Variants in ARPC4 observed in about 807,000 individuals in gnomAD.
ARPC4 encodes the protein actin-related protein 2/3 complex subunit 4.
A neutral mutation model predicts 22.8 loss-of-function variants in ARPC4; 3 were observed. The observed-to-expected ratio is 0.13, with a 90% CI of 0.06 to 0.34. The LOEUF (loss-of-function observed/expected upper bound fraction) is 0.34, where lower values mean the gene tolerates loss of function less well. ARPC4 is among the 10% of genes least tolerant of loss of function. The pLI is 1.00. For synonymous variants in ARPC4, 80 were observed against 72.5 expected (o/e 1.10, Z -0.52); for missense variants, 98 against 211.0 (o/e 0.46, Z 3.32).
chr3:9,792,789 C>T (rs1005201509), upstream of ARPC4: 8 of 1,261,148 alleles, frequency 6.3e-6, no homozygotes, highest in Non-Finnish European at 8.0e-6. Context: ...TAATTTGGTG[C>T]CCAATCTGAA....
At chr3:9,806,033 A>G (rs1169106593) in intron 5 of ARPC4, among the ~76,000 whole-genome samples, 177 bp from the exon 6 acceptor site, 1 of 152,218 alleles carries the variant, frequency 6.6e-6, no homozygotes, top group African/African-American at 2.4e-5. Context: ...CGGTGCCCAT[A>G]GGTCACTTCT....
At chr3:9,800,003 C>A in intron 2 of ARPC4, 182 bp from the exon 3 acceptor site, 2 of 702,158 alleles carry the variant, frequency 2.8e-6, no homozygotes, top group South Asian at 3.1e-5. Flanking sequence ...GCCCTGACTT[C>A]AGAGCCTGTG....
chr3:9,795,962 G>C (rs970128272), intron 1 of ARPC4, among the ~76,000 whole-genome samples: 3 of 152,160 alleles, frequency 2.0e-5, no homozygotes, highest in African/African-American at 7.2e-5. Context: ...CAGGCACGGT[G>C]GTGCACACTT....
upstream of ARPC4, chr3:9,792,765 G>T: frequency 8.0e-7 from 1 of 1,246,616 alleles, no homozygotes. Context: ...GGGCTCGTCC[G>T]CTTCGGCTTG....
At position 9,799,370 on chromosome 3, in the gene ARPC4, A is replaced by G. The variant is rs553238815; in HGVS notation, c.123-815A>G. Among the ~76,000 whole-genome samples, 12 of 152,208 alleles carry G rather than the reference A, an allele frequency of 7.9e-5. No individual in the cohort carries two copies. The South Asian group carries it at 2.1e-3, about 26-fold the overall frequency. Reference sequence around the variant, plus strand: ...TTTGCAGATACTTAACCAGTTGAGCATCCCTAATTCCAAATCCAAAATGCT... The same window carrying G: ...TTTGCAGATACTTAACCAGTTGAGCGTCCCTAATTCCAAATCCAAAATGCT... On this transcript the variant is annotated intron_variant, in intron 2 of 5. Transcript: ENST00000397261.
At chr3:9,805,973 G>A (rs2079098875) in intron 5 of ARPC4, among the ~76,000 whole-genome samples, 1 of 152,220 alleles carries the variant, frequency 6.6e-6, no homozygotes, top group Non-Finnish European at 1.5e-5. Flanking sequence ...CTGTGGAGAA[G>A]CTCTCATGGC....
intron 1 of ARPC4, among the ~76,000 whole-genome samples, chr3:9,794,432 G>A (rs1212206737): frequency 2.6e-5 from 4 of 152,184 alleles, no homozygotes; most frequent in Non-Finnish European, 5.9e-5. Context: ...CCAGAAAGCA[G>A]AGCTTGCAGT....
At chr3:9,797,546 TAAG>T in intron 1 of ARPC4, 110 bp from the exon 2 acceptor site, 1 of 1,196,504 alleles carries the variant, frequency 8.4e-7, no homozygotes. Context: ...AGTAGTGTCT[TAAG>T]AGCCTTGCAC....
intron 2 of ARPC4, among the ~76,000 whole-genome samples, chr3:9,798,888 T>G (rs1228407278): frequency 1.3e-5 from 2 of 151,746 alleles, no homozygotes; most frequent in African/African-American, 2.4e-5. Context: ...TAAAATAAAA[T>G]AAAATAAAAT....
chr3:9,800,745 T>C (rs1430279136), intron 3 of ARPC4, among the ~76,000 whole-genome samples: 1 of 151,416 alleles, frequency 6.6e-6, no homozygotes, highest in African/African-American at 2.4e-5. Flanking sequence ...AACTCTAAAC[T>C]TTCAACAGGA....
chr3:9,805,918 G>A (rs956453947), intron 5 of ARPC4, among the ~76,000 whole-genome samples: 8 of 152,246 alleles, frequency 5.3e-5, no homozygotes, highest in South Asian at 2.1e-4. Context: ...CAGGCAGGAC[G>A]CTGGCAGGGC....
intron 1 of ARPC4, 107 bp from the exon 2 acceptor site, chr3:9,797,552 C>A: frequency 8.0e-7 from 1 of 1,253,686 alleles, no homozygotes; most frequent in Non-Finnish European, 1.1e-6. Flanking sequence ...GTCTTAAGAG[C>A]CTTGCACCCT....
intron 1 of ARPC4, among the ~76,000 whole-genome samples, chr3:9,796,095 C>CA (rs200964437): frequency 0.03 from 4,542 of 149,876 alleles, 100 homozygotes; most frequent in South Asian, 0.069. Flanking sequence ...GACTCTGTCT[C>CA]AAAAAAAAAT....
Position 9,795,239 on chromosome 3 carries a change from G to A in ARPC4, c.3+2115G>A, listed in dbSNP as rs557295934. Among the ~76,000 whole-genome samples, 10 of 152,120 alleles carry A rather than the reference G, an allele frequency of 6.6e-5. 1 individual carries two copies. In the East Asian group the frequency reaches 9.7e-4, roughly 15 times the overall value. ...GGTCTTGAACTCCTGACCTGAGGTG[G>A]TCCACCCACCTCGGCCTCCCAAAGT... On this transcript the variant is annotated intron_variant, in intron 1 of 5. Coordinates refer to ENST00000397261, the MANE Select transcript of ARPC4 (RefSeq NM_005718.5).
intron 1 of ARPC4, among the ~76,000 whole-genome samples, chr3:9,795,305 A>C (rs974666498): frequency 2.6e-5 from 4 of 151,966 alleles, no homozygotes; most frequent in African/African-American, 9.7e-5. Context: ...GTTTTTTTTC[A>C]GTTCCATTAT....
intron 4 of ARPC4, among the ~76,000 whole-genome samples, chr3:9,801,991 A>G (rs2079018892): frequency 6.6e-6 from 1 of 152,122 alleles, no homozygotes; most frequent in African/African-American, 2.4e-5. Flanking sequence ...CTCTAATCCC[A>G]ACACTTTGGG....
intron 1 of ARPC4, among the ~76,000 whole-genome samples, chr3:9,794,462 G>A (rs1235426024): frequency 6.6e-6 from 1 of 152,106 alleles, no homozygotes; most frequent in East Asian, 1.9e-4. Context: ...TCGTGCCACT[G>A]CACACCAGAC....
intron 4 of ARPC4, 55 bp from the exon 5 acceptor site, chr3:9,803,788 G>C: frequency 6.4e-7 from 1 of 1,560,024 alleles, no homozygotes; most frequent in South Asian, 1.2e-5. Flanking sequence ...TTCCCATGGG[G>C]TGCTAATTCT....
Position 9,793,091 on chromosome 3 carries a change from C to T in ARPC4, c.-31C>T. On this transcript the variant is annotated 5_prime_UTR_variant, in exon 1 of 6. Coordinates refer to ENST00000397261, the MANE Select transcript of ARPC4 (RefSeq NM_005718.5). ...CATCGCGGGGCTGGCCACTTCCGTA[C>T]TTCCGCTTTCCGGCCCAGCCAGCGC... 3.2e-6 allele frequency: 5 copies of T among 1,545,844 alleles called. No individual in the cohort carries two copies. Among genetic ancestry groups the T allele is most frequent in the Middle Eastern group, 1.7e-4 (1 of 5,916 alleles).
Sources: allele counts gnomAD v4.1 joint callset (sites outside exome capture counted in the v4.1 genomes callset), GRCh38; gene constraint gnomAD v4.1.1; transcripts MANE v1.5; gene names NCBI Gene and HGNC (gene_info 2026-07-23, HGNC 2026-07-21).